The following PRH1 variants were observed in gnomAD, a reference collection of about 807,000 sequenced individuals.
The protein encoded by PRH1 is salivary acidic proline-rich phosphoprotein 1/2.
A neutral mutation model predicts 7.9 loss-of-function variants in PRH1; 7 were observed. The ratio of observed to expected loss-of-function variants is 0.89; its 90% CI spans 0.50 to 1.67. The LOEUF (loss-of-function observed/expected upper bound fraction) is 1.67, where lower values mean the gene tolerates loss of function less well. PRH1 is among the 40% of genes most tolerant of loss of function. PRH1 has a pLI of 0.00. For synonymous variants in PRH1, 45 were observed against 80.8 expected, an observed-to-expected ratio of 0.56 and a Z score of 2.38; for missense variants, 109 against 223.6, an observed-to-expected ratio of 0.49 and a Z score of 3.27.
At chr12:11,136,452 G>T (rs1654375754) in intron 1 of PRH1, among the ~76,000 whole-genome samples, 1 of 151,966 alleles carries the variant, frequency 6.6e-6, no homozygotes, top group Admixed American at 6.6e-5. Context: ...TATATCATTT[G>T]ATGCAATTCC....
intron 2 of PRH1, chr12:10,939,151 A>G: frequency 6.2e-7 from 1 of 1,602,546 alleles, no homozygotes; most frequent in Non-Finnish European, 8.5e-7. Flanking sequence ...CTAAATTTCC[A>G]ATTATAAATT....
intron 2 of PRH1, among the ~76,000 whole-genome samples, chr12:10,972,180 TCCA>T (rs1938847453): frequency 6.6e-6 from 1 of 152,098 alleles, no homozygotes; most frequent in Admixed American, 6.6e-5. Context: ...AAATACAAAT[TCCA>T]CCATTACTAG....
chr12:11,156,830 C>G (rs1256721726), intron 1 of PRH1, among the ~76,000 whole-genome samples: 1 of 146,796 alleles, frequency 6.8e-6, no homozygotes, highest in Non-Finnish European at 1.5e-5. Flanking sequence ...ACACTTTGGT[C>G]AAAGAAAACA....
intron 2 of PRH1, among the ~76,000 whole-genome samples, chr12:10,898,404 G>A (rs1183560823): frequency 6.6e-6 from 1 of 152,148 alleles, no homozygotes; most frequent in Non-Finnish European, 1.5e-5. Flanking sequence ...AGGCAAACAT[G>A]AAATGCAAAC....
chr12:10,909,824 G>A (rs545469062), intron 2 of PRH1, among the ~76,000 whole-genome samples: 12 of 152,244 alleles, frequency 7.9e-5, no homozygotes, highest in Admixed American at 5.9e-4. Flanking sequence ...TATTTCAAAA[G>A]AGTGCTCAAT....
At chr12:11,120,756 T>C (rs191179630), downstream of PRH1, 47 of 152,322 alleles carry the variant, frequency 3.1e-4, no homozygotes, top group South Asian at 1.2e-3. Flanking sequence ...ATGTTGTGTA[T>C]ATATTTTTAC....
intron 1 of PRH1, chr12:11,121,274 C>T (rs773853924): frequency 2.0e-5 from 3 of 152,220 alleles, no homozygotes; most frequent in Non-Finnish European, 4.4e-5. Flanking sequence ...AATACGTTTC[C>T]TATCATCAAT....
Position 11,041,307 on chromosome 12 carries a change from A to AAAAAAAAAAAAAAC in PRH1, c.-126+5712_-126+5713insGTTTTTTTTTTTTT, listed in dbSNP as rs1565584500. Among the ~76,000 whole-genome samples, 2 of 97,212 alleles carry AAAAAAAAAAAAAAC rather than the reference A, an allele frequency of 2.1e-5. 1 individual carries two copies. Among genetic ancestry groups the AAAAAAAAAAAAAAC allele is most frequent in the African/African-American group, 8.8e-5 (2 of 22,600 alleles). 63.8% of individuals were successfully genotyped at this position (97,212 alleles called of 152,430 possible). ...GCAAACCAAAAAAAAAAAAAAAAAAAAAAACAAAAAAGTAGAGTACCTATA... is the reference window on the plus strand; with the variant it reads ...GCAAACCAAAAAAAAAAAAAAAAAAAAAAAAAAAAAAAACAAAACAAAAAAGTAGAGTACCTATA... On this transcript the variant is annotated intron_variant, in intron 1 of 3. Coordinates refer to the PRH1 transcript ENST00000539853.
chr12:11,091,115 C>CACACACATATATATATATATAT (rs751016037), intron 1 of PRH1, among the ~76,000 whole-genome samples: 277 of 25,092 alleles, frequency 0.011, 31 homozygotes, highest in Non-Finnish European at 0.022. Flanking sequence ...CACACACACA[C>CACACACATATATATATATATAT]ATATATATAT....
intron 1 of PRH1, among the ~76,000 whole-genome samples, chr12:11,016,942 T>C (rs1224066767): frequency 6.6e-6 from 1 of 152,208 alleles, no homozygotes; most frequent in Non-Finnish European, 1.5e-5. Flanking sequence ...TTGCAGGGGA[T>C]GGTAGTCTTT....
rs560514448 is a variant in PRH1, at chr12:11,044,199, G to A, written c.-126+2821C>T. Among the ~76,000 whole-genome samples, 10 of 152,230 alleles carry A rather than the reference G, an allele frequency of 6.6e-5. No individual in the cohort carries two copies. In the South Asian group the frequency reaches 2.1e-3, roughly 32 times the overall value. Reference sequence around the variant, plus strand: ...CAAGAACGTACACTGGAAAAAGACAGTCTCTTCAATAAATGGTGCTGGGAC... The same window carrying A: ...CAAGAACGTACACTGGAAAAAGACAATCTCTTCAATAAATGGTGCTGGGAC... On this transcript the variant is annotated intron_variant, in intron 1 of 3. Coordinates refer to the PRH1 transcript ENST00000539853.
intron 2 of PRH1, among the ~76,000 whole-genome samples, chr12:10,898,115 T>A (rs1949674743): frequency 6.6e-6 from 1 of 152,166 alleles, no homozygotes; most frequent in Non-Finnish European, 1.5e-5. Flanking sequence ...TTGTATAAAT[T>A]TTCTATAATT....
At chr12:10,980,503 T>G (rs1044619436) in intron 1 of PRH1, among the ~76,000 whole-genome samples, 25 of 152,158 alleles carry the variant, frequency 1.6e-4, no homozygotes, top group Non-Finnish European at 1.5e-5. Context: ...TACTTTTAAA[T>G]GTAACTGACA....
intron 2 of PRH1, among the ~76,000 whole-genome samples, chr12:10,969,157 G>T (rs1391455650): frequency 6.6e-6 from 1 of 152,216 alleles, no homozygotes; most frequent in Non-Finnish European, 1.5e-5. Flanking sequence ...ATCTTCCCCT[G>T]AAGTCCGGCT....
chr12:10,976,657 G>C (rs1393656648), intron 1 of PRH1, among the ~76,000 whole-genome samples: 1 of 149,910 alleles, frequency 6.7e-6, no homozygotes. Context: ...AATTAAGATA[G>C]ATAGAACACT....
intron 1 of PRH1, chr12:11,031,538 C>T: frequency 1.7e-6 from 1 of 592,806 alleles, no homozygotes; most frequent in Admixed American, 3.6e-5. Context: ...AAAGCTTCCA[C>T]CGGGAGGAAG....
intron 2 of PRH1, among the ~76,000 whole-genome samples, chr12:10,910,660 C>G (rs1555105187): frequency 6.6e-6 from 1 of 152,030 alleles, no homozygotes; most frequent in Non-Finnish European, 1.5e-5. Flanking sequence ...CCGCCCCACT[C>G]TTTCAAAAAC....
chr12:10,972,928 A>ATCCCCC (rs1555119295), intron 2 of PRH1, among the ~76,000 whole-genome samples: 12 of 100,398 alleles, frequency 1.2e-4, no homozygotes, highest in African/African-American at 4.1e-4. Flanking sequence ...AAGCACCACA[A>ATCCCCC]CCCACCCCCC....
intron 1 of PRH1, chr12:11,031,249 C>G: frequency 6.2e-7 from 1 of 1,614,020 alleles, no homozygotes; most frequent in Non-Finnish European, 8.5e-7. Flanking sequence ...TGGAATTTAC[C>G]AATGCTATGA....
Sources: gnomAD v4.1 joint callset for allele counts (sites outside exome capture counted in the v4.1 genomes callset) on GRCh38, gnomAD v4.1.1 for gene constraint, MANE v1.5 for transcripts, NCBI Gene and HGNC (gene_info 2026-07-23, HGNC 2026-07-21) for gene names.